Variants in PKN2 observed in about 807,000 individuals in gnomAD.
The protein encoded by PKN2 is serine/threonine-protein kinase N2.
PKN2 carries 38 observed loss-of-function variants against 119.1 expected under a neutral mutation model. The ratio of observed to expected loss-of-function variants is 0.32; its 90% CI spans 0.25 to 0.42. The LOEUF (loss-of-function observed/expected upper bound fraction) is 0.42, where lower values mean the gene tolerates loss of function less well. Ranked by LOEUF, PKN2 falls within the 10% of genes least tolerant of loss-of-function variation. The probability of loss-of-function intolerance (pLI) is 1.00; values close to 1 mark genes in which losing one functional copy is unlikely to be tolerated. For missense variants in PKN2, 850 were observed against 1,165.1 expected, an observed-to-expected ratio of 0.73 and a Z score of 3.94; for synonymous variants, 390 against 384.9, an observed-to-expected ratio of 1.01 and a Z score of -0.15.
intron 12 of PKN2, among the ~76,000 whole-genome samples, chr1:88,806,532 A>G (rs1671547547): frequency 1.3e-5 from 2 of 152,080 alleles, no homozygotes; most frequent in South Asian, 4.1e-4. Context: ...GAGACAACCA[A>G]CTTCTTAATG....
intron 1 of PKN2, among the ~76,000 whole-genome samples, chr1:88,738,749 A>C (rs1391691542): frequency 6.6e-6 from 1 of 152,242 alleles, no homozygotes; most frequent in Non-Finnish European, 1.5e-5. Context: ...TTTCTGATAA[A>C]TGTGTAAGGA....
intron 1 of PKN2, among the ~76,000 whole-genome samples, chr1:88,709,839 A>G (rs1029947139): frequency 1.3e-5 from 2 of 152,172 alleles, no homozygotes; most frequent in Admixed American, 6.5e-5. Flanking sequence ...CTCTTTCTCC[A>G]TACACATAGC....
intron 8 of PKN2, among the ~76,000 whole-genome samples, chr1:88,787,470 A>G (rs972637523): frequency 6.6e-6 from 1 of 152,208 alleles, no homozygotes; most frequent in Non-Finnish European, 1.5e-5. Context: ...ACATACCAGT[A>G]AATTTCAGGA....
At chr1:88,758,932 TTC>T (rs1389529072) in intron 2 of PKN2, among the ~76,000 whole-genome samples, 1 of 152,212 alleles carries the variant, frequency 6.6e-6, no homozygotes, top group African/African-American at 2.4e-5. Context: ...CGAACGGTAT[TTC>T]TGTCTTTTGG....
At chr1:88,706,248 C>T (rs1470905327) in intron 1 of PKN2, among the ~76,000 whole-genome samples, 1 of 152,016 alleles carries the variant, frequency 6.6e-6, no homozygotes, top group Non-Finnish European at 1.5e-5. Context: ...TGTTTTTATG[C>T]CATTTTAAAT....
Position 88,804,756 on chromosome 1 carries a change from A to C in PKN2, c.1426-90A>C, listed in dbSNP as rs567002272. ...TGAGGGGCTGGACTAAACTGTAACTAAGATTCTCTTAAGCTTTAAAATTTT... is the reference window on the plus strand; with the variant it reads ...TGAGGGGCTGGACTAAACTGTAACTCAGATTCTCTTAAGCTTTAAAATTTT... On this transcript the variant is annotated intron_variant, in intron 9 of 21. Transcript: ENST00000370521. 63 of 800,074 alleles carry C rather than the reference A, an allele frequency of 7.9e-5. No homozygotes were observed. In the South Asian group the frequency reaches 1.0e-3, roughly 13 times the overall value. The allele number at this position is 800,074 out of a possible 1,614,324, so 49.6% of individuals were successfully genotyped here.
chr1:88,720,474 C>A (rs1667629939), intron 1 of PKN2, among the ~76,000 whole-genome samples: 1 of 152,092 alleles, frequency 6.6e-6, no homozygotes, highest in Non-Finnish European at 1.5e-5. Context: ...GTCTTCAGAA[C>A]CAGAATTTCT....
At chr1:88,702,178 C>T (rs527913539) in intron 1 of PKN2, among the ~76,000 whole-genome samples, 26 of 152,040 alleles carry the variant, frequency 1.7e-4, no homozygotes, top group Non-Finnish European at 3.2e-4. Flanking sequence ...AAGGTGGTCT[C>T]GAACTCTTGA....
intron 17 of PKN2, among the ~76,000 whole-genome samples, chr1:88,824,017 A>AAC (rs1401090972): frequency 6.6e-6 from 1 of 151,764 alleles, no homozygotes; most frequent in Non-Finnish European, 1.5e-5. Flanking sequence ...TCAAAAAAAA[A>AAC]AAAAAAAAGG....
intron 1 of PKN2, among the ~76,000 whole-genome samples, chr1:88,709,967 A>C (rs1667160231): frequency 6.6e-6 from 1 of 152,202 alleles, no homozygotes; most frequent in South Asian, 2.1e-4. Context: ...AATGATCCTT[A>C]GGATTGGAGG....
chr1:88,792,405 A>AAAATAAATAAAT (rs560143650), intron 8 of PKN2, among the ~76,000 whole-genome samples: 3 of 151,992 alleles, frequency 2.0e-5, no homozygotes, highest in African/African-American at 7.3e-5. Context: ...TCCGTCTCAA[A>AAAATAAATAAAT]AAATAAATAA....
At chr1:88,687,710 G>A (rs535330088) in intron 1 of PKN2, among the ~76,000 whole-genome samples, 98 of 152,264 alleles carry the variant, frequency 6.4e-4, no homozygotes, top group Admixed American at 1.6e-3. Context: ...ACTTGCTCAA[G>A]TGGAAAGTTG....
At chr1:88,696,249 C>T (rs1444531988) in intron 1 of PKN2, among the ~76,000 whole-genome samples, 1 of 152,172 alleles carries the variant, frequency 6.6e-6, no homozygotes, top group African/African-American at 2.4e-5. Context: ...ACCGCCAAAA[C>T]CTTGTTTAGT....
At chr1:88,787,738 C>T (rs1232891698) in intron 8 of PKN2, among the ~76,000 whole-genome samples, 1 of 152,210 alleles carries the variant, frequency 6.6e-6, no homozygotes, top group South Asian at 2.1e-4. Context: ...TGGCATCAGG[C>T]ATTTTTCCCA....
chr1:88,701,364 A>G (rs2100664904), intron 1 of PKN2, among the ~76,000 whole-genome samples: 1 of 152,310 alleles, frequency 6.6e-6, no homozygotes, highest in East Asian at 1.9e-4. Context: ...ACAGCTTGAG[A>G]GCTATACTTT....
Position 88,784,790 on chromosome 1 carries a change from T to C in PKN2, c.1137T>C (p.Ser379=). ...MSRTSKSKSG[S]SRNLLKTDDL... is the part of the protein sequence containing the mutation. The stretch of plus-strand genomic sequence containing the variant: ...GAACGAGTAAAAGTAAAAGCGGAAG[T>C]AGTCGAAATCTTCTAAAAACCGATG... The change falls in exon 7 of 22, where the codon AGT becomes AGC. Residue 379 remains serine, a synonymous_variant. Transcript: ENST00000370521. 6.2e-7 allele frequency: 1 copy of C among 1,610,912 alleles called. No individual in the cohort carries two copies. The highest frequency in any genetic ancestry group is 1.3e-5 in the African/African-American group (1 of 74,860).
chr1:88,829,917 G>A (rs932514463), intron 19 of PKN2, among the ~76,000 whole-genome samples: 6 of 152,114 alleles, frequency 3.9e-5, no homozygotes, highest in Non-Finnish European at 7.4e-5. Context: ...TAGTTTCGCC[G>A]GATGGATAAC....
Position 88,807,519 on chromosome 1 carries a change from C to A in PKN2, c.1935-10C>A, listed in dbSNP as rs1490894258. Reference sequence around the variant, plus strand: ...ATTGTCTTATTATTAATTGAAATTTCTCTTTTCAGATCTCAGCAAAGGTTT... The same window carrying A: ...ATTGTCTTATTATTAATTGAAATTTATCTTTTCAGATCTCAGCAAAGGTTT... On this transcript the variant is annotated splice_polypyrimidine_tract_variant and intron_variant, in intron 13 of 21. Transcript: ENST00000370521. 6.2e-7 allele frequency: 1 copy of A among 1,609,136 alleles called. No individual in the cohort carries two copies.
At chr1:88,734,055 G>A (rs1260401454) in intron 1 of PKN2, among the ~76,000 whole-genome samples, 2 of 151,990 alleles carry the variant, frequency 1.3e-5, no homozygotes, top group Non-Finnish European at 2.9e-5. Flanking sequence ...CTACTTGGGA[G>A]GCTAAGGTGG....
Sources: gnomAD v4.1 joint callset for allele counts (sites outside exome capture counted in the v4.1 genomes callset) on GRCh38, gnomAD v4.1.1 for gene constraint, MANE v1.5 for transcripts, NCBI Gene and HGNC (gene_info 2026-07-23, HGNC 2026-07-21) for gene names.